PPP2R2B: variants seen among roughly 807,000 people sequenced by gnomAD.
The protein encoded by PPP2R2B is protein phosphatase 2 regulatory subunit Bbeta, also known as serine/threonine-protein phosphatase 2A 55 kDa regulatory subunit B beta isoform.
A neutral mutation model predicts 46.0 loss-of-function variants in PPP2R2B; 5 were observed. That is an observed-to-expected ratio of 0.11 (90% CI 0.06 to 0.23). PPP2R2B has a LOEUF of 0.23. PPP2R2B is among the 10% of genes least tolerant of loss of function. PPP2R2B has a pLI of 1.00. For missense variants in PPP2R2B, 367 were observed against 575.0 expected (o/e 0.64, Z 3.70); for synonymous variants, 215 against 206.7 (o/e 1.04, Z -0.34).
chr5:146,773,025 G>A (rs921353414), intron 2 of PPP2R2B, among the ~76,000 whole-genome samples: 4 of 152,144 alleles, frequency 2.6e-5, no homozygotes, highest in Non-Finnish European at 2.9e-5. Context: ...TGTGGAAAAT[G>A]CATTCTCAAA....
At chr5:146,855,490 C>G (rs1377606858) in intron 2 of PPP2R2B, among the ~76,000 whole-genome samples, 1 of 152,106 alleles carries the variant, frequency 6.6e-6, no homozygotes, top group East Asian at 1.9e-4. Flanking sequence ...ACACAGTATA[C>G]ATACACATAC....
At chr5:146,766,743 C>T (rs968999888) in intron 2 of PPP2R2B, among the ~76,000 whole-genome samples, 1 of 152,068 alleles carries the variant, frequency 6.6e-6, no homozygotes, top group Non-Finnish European at 1.5e-5. Flanking sequence ...ACCGTGGGCC[C>T]TACGGCACCA....
chr5:146,807,737 C>T (rs1338105796), intron 2 of PPP2R2B, among the ~76,000 whole-genome samples: 3 of 146,316 alleles, frequency 2.1e-5, no homozygotes, highest in South Asian at 2.2e-4. Context: ...CAGGGATATG[C>T]CCTCTCCAAC....
rs141863713 is a variant in PPP2R2B at position 146,986,803 on chromosome 5, C to A, written c.79+68862G>T. Among the ~76,000 whole-genome samples, 842 of 152,054 alleles carry A rather than the reference C, an allele frequency of 5.5e-3. 9 individuals carry two copies. The highest frequency in any genetic ancestry group is 0.02 in the African/African-American group (815 of 41,480). On this transcript the variant is annotated intron_variant, in intron 1 of 8. Transcript: ENST00000336640. The stretch of plus-strand genomic sequence containing the variant: ...AAAATAGCAAATGTAAGAGTCATTG[C>A]CCTTAAAGTCGGAGTAGAAAAAGAG...
At chr5:146,732,271 G>A (rs749311569) in intron 2 of PPP2R2B, among the ~76,000 whole-genome samples, 37 of 152,190 alleles carry the variant, frequency 2.4e-4, no homozygotes, top group Non-Finnish European at 4.1e-4. Flanking sequence ...CATTTCTAAT[G>A]CACATACATT....
chr5:146,745,800 A>T (rs1040000156), intron 2 of PPP2R2B, among the ~76,000 whole-genome samples: 2 of 152,132 alleles, frequency 1.3e-5, no homozygotes, highest in African/African-American at 4.8e-5. Flanking sequence ...TCTACTAAAA[A>T]TACAAAAATC....
chr5:146,686,161 C>G (rs1045171271), intron 5 of PPP2R2B, among the ~76,000 whole-genome samples: 1 of 152,168 alleles, frequency 6.6e-6, no homozygotes, highest in Admixed American at 6.5e-5. Context: ...GTTCACTTGA[C>G]AGATATTTAC....
intron 1 of PPP2R2B, among the ~76,000 whole-genome samples, chr5:146,956,841 T>C (rs986825159): frequency 2.0e-5 from 3 of 152,162 alleles, no homozygotes; most frequent in African/African-American, 7.2e-5. Flanking sequence ...TCACGTGTCC[T>C]TACATCTTTA....
intron 5 of PPP2R2B, among the ~76,000 whole-genome samples, chr5:146,660,317 G>C (rs548912926): frequency 3.6e-4 from 55 of 152,248 alleles, no homozygotes; most frequent in Non-Finnish European, 7.2e-4. Context: ...TAAAAAATAT[G>C]CATCTTAATT....
chr5:146,605,397 C>T (rs901653423), intron 7 of PPP2R2B, among the ~76,000 whole-genome samples: 4 of 152,178 alleles, frequency 2.6e-5, no homozygotes, highest in Admixed American at 2.6e-4. Flanking sequence ...TTTTCCATTT[C>T]CCTTTCCTAA....
chr5:146,949,784 T>G (rs373401517), intron 1 of PPP2R2B, among the ~76,000 whole-genome samples: 3 of 151,984 alleles, frequency 2.0e-5, no homozygotes, highest in African/African-American at 7.2e-5. Flanking sequence ...AACAGATGAA[T>G]AAAGAAAACA....
chr5:147,015,893 C>T (rs983732220), intron 1 of PPP2R2B, among the ~76,000 whole-genome samples: 1 of 151,346 alleles, frequency 6.6e-6, no homozygotes, highest in Admixed American at 6.6e-5. Flanking sequence ...TCAGTATCAT[C>T]ACCATCATCT....
intron 1 of PPP2R2B, among the ~76,000 whole-genome samples, chr5:146,987,602 G>T (rs988048207): frequency 7.9e-5 from 12 of 151,656 alleles, no homozygotes; most frequent in African/African-American, 2.9e-4. Flanking sequence ...AAGCCTCATG[G>T]TGACTACAAA....
intron 2 of PPP2R2B, among the ~76,000 whole-genome samples, chr5:146,823,886 C>A (rs1006744714): frequency 6.6e-6 from 1 of 152,124 alleles, no homozygotes. Flanking sequence ...GTTGGCTCAA[C>A]CAAACTTATG....
chr5:146,606,723 T>G (rs532312677), intron 7 of PPP2R2B, among the ~76,000 whole-genome samples: 77 of 152,288 alleles, frequency 5.1e-4, no homozygotes, highest in African/African-American at 1.7e-3. Context: ...GTTTTCTGTC[T>G]GGGCTGCGAC....
intron 1 of PPP2R2B, among the ~76,000 whole-genome samples, chr5:146,894,522 C>T (rs1762585209): frequency 6.6e-6 from 1 of 152,184 alleles, no homozygotes; most frequent in East Asian, 1.9e-4. Flanking sequence ...TCACTGAAGC[C>T]TTGACCTCAT....
upstream of PPP2R2B, among the ~76,000 whole-genome samples, chr5:147,057,315 G>A (rs1757119650): frequency 6.6e-6 from 1 of 152,214 alleles, no homozygotes; most frequent in East Asian, 1.9e-4. Flanking sequence ...GCCATCCTAA[G>A]TAAGGTGCTG....
chr5:147,030,867 T>C (rs1345476002), intron 1 of PPP2R2B, among the ~76,000 whole-genome samples: 1 of 152,206 alleles, frequency 6.6e-6, no homozygotes, highest in Non-Finnish European at 1.5e-5. Context: ...ACACTTTTCA[T>C]TATGGTTCAC....
At chr5:146,925,467 T>G (rs1355268089) in intron 1 of PPP2R2B, among the ~76,000 whole-genome samples, 1 of 152,220 alleles carries the variant, frequency 6.6e-6, no homozygotes, top group African/African-American at 2.4e-5. Context: ...CTATTCTTCT[T>G]CCTTCTGGCA....
Sources: allele counts gnomAD v4.1 joint callset (sites outside exome capture counted in the v4.1 genomes callset), GRCh38; gene constraint gnomAD v4.1.1; transcripts MANE v1.5; gene names NCBI Gene and HGNC (gene_info 2026-07-23, HGNC 2026-07-21).